The following SYNC variants were observed in gnomAD, a reference collection of about 807,000 sequenced individuals.
The protein encoded by SYNC is syncoilin, intermediate filament protein, also known as syncoilin.
A neutral mutation model predicts 49.5 loss-of-function variants in SYNC; 38 were observed. The observed-to-expected ratio is 0.77, with a 90% CI of 0.59 to 1.01. SYNC has a LOEUF of 1.01. Ranked by LOEUF, SYNC falls within the 50% of genes least tolerant of loss-of-function variation. SYNC has a pLI of 0.00. For missense variants in SYNC, 579 were observed against 580.6 expected, an observed-to-expected ratio of 1.00 and a Z score of 0.03; for synonymous variants, 201 against 230.8, an observed-to-expected ratio of 0.87 and a Z score of 1.17.
chr1:32,692,904 CT>C (rs1650232604), intron 2 of SYNC, among the ~76,000 whole-genome samples: 1 of 151,310 alleles, frequency 6.6e-6, no homozygotes, highest in Non-Finnish European at 1.5e-5. Flanking sequence ...ACTCAGGAGG[CT>C]GAAATGAGAA....
At chr1:32,696,744 A>G (rs1257851008) in intron 1 of SYNC, among the ~76,000 whole-genome samples, 1 of 149,674 alleles carries the variant, frequency 6.7e-6, no homozygotes. Context: ...CACTGCGCCC[A>G]GCCCAGTTCT....
Position 32,696,881 on chromosome 1 carries a change from G to A in SYNC, c.54-837C>T, listed in dbSNP as rs527952568. Among the ~76,000 whole-genome samples, 8 of 151,740 alleles carry A rather than the reference G, an allele frequency of 5.3e-5. 1 individual carries two copies. The highest frequency in any genetic ancestry group is 7.4e-5 in the Non-Finnish European group (5 of 67,916). On this transcript the variant is annotated intron_variant, in intron 1 of 4. Coordinates refer to ENST00000409190, the MANE Select transcript of SYNC (RefSeq NM_030786.3). ...TTCAGCCTCCACCTCCCAGGTAGGT[G>A]GGACTACAGACACGTGCCATCACAC... is the stretch of plus-strand genomic sequence containing the variant.
chr1:32,692,708 T>C lies in SYNC; in HGVS notation c.1233+2157A>G, dbSNP rs537273448. Among the ~76,000 whole-genome samples the C allele has an allele frequency of 1.1e-4, 16 of 152,030 alleles. No individual in the cohort carries two copies. The South Asian group carries it at 3.1e-3, about 30-fold the overall frequency. On this transcript the variant is annotated intron_variant, in intron 2 of 4. Transcript: ENST00000409190. ...TTGCAGTGAGCTGAGATCATGCCAC[T>C]GCACTCCACTGCACTCCAGCCTGTG... is the stretch of plus-strand genomic sequence containing the variant.
chr1:32,684,267 G>T lies in SYNC; in HGVS notation c.1349C>A (p.Ser450Tyr). 1.2e-6 allele frequency: 2 copies of T among 1,614,186 alleles called. No homozygotes were observed. Among genetic ancestry groups the T allele is most frequent in the Non-Finnish European group, 1.7e-6 (2 of 1,180,048 alleles). The part of the protein sequence containing the change: ...QLRLSLAEEL[S>Y]TYKAMLLPKS... ...AGCAGCAGAAACTGACTTATAAGTA[G>T]AGAGCTCTTCAGCAAGACTGAGCCT... The change falls in exon 3 of 5, where the codon TCT (serine) becomes TAT (tyrosine). Residue 450 changes from serine to tyrosine, a missense_variant. Coordinates refer to ENST00000409190, the MANE Select transcript of SYNC (RefSeq NM_030786.3).
At chr1:32,690,828 TGTAATCCCA>T (rs1023550084) in intron 2 of SYNC, among the ~76,000 whole-genome samples, 1 of 151,982 alleles carries the variant, frequency 6.6e-6, no homozygotes, top group Non-Finnish European at 1.5e-5. Flanking sequence ...GACTCATGCC[TGTAATCCCA>T]GCACTTTGGG....
At chr1:32,682,629 G>A (rs1456041084) in intron 4 of SYNC, 2 of 151,882 alleles carry the variant, frequency 1.3e-5, no homozygotes, top group African/African-American at 2.4e-5. Flanking sequence ...AAACTAGCTG[G>A]CCGTGGTGGC....
At chr1:32,696,857 T>A (rs1192419586) in intron 1 of SYNC, among the ~76,000 whole-genome samples, 2 of 151,074 alleles carry the variant, frequency 1.3e-5, no homozygotes, top group African/African-American at 4.9e-5. Context: ...TGGTGCCATT[T>A]CAGCCTCCAC....
chr1:32,690,904 C>T (rs143732102), intron 2 of SYNC, among the ~76,000 whole-genome samples: 2 of 151,790 alleles, frequency 1.3e-5, no homozygotes, highest in South Asian at 2.1e-4. Flanking sequence ...CTGGGCAATA[C>T]GGTGAAACCC....
In SYNC at chr1:32,684,040, G is replaced by A; in HGVS notation, c.1408C>T (p.Gln470Ter). 1.9e-6 allele frequency: 3 copies of A among 1,614,180 alleles called. No individual in the cohort carries two copies. Among genetic ancestry groups the A allele is most frequent in the Non-Finnish European group, 2.5e-6 (3 of 1,180,026 alleles). Residue 470 changes from glutamine to a stop codon, truncating the protein, a stop_gained, in exon 4 of 5, where the codon CAG becomes TAG. Coordinates refer to ENST00000409190, the MANE Select transcript of SYNC (RefSeq NM_030786.3). LOFTEE classifies it high-confidence loss of function. ...GACTGTGTCTCCATTCCACCTGCCT[G>A]AGAAGTGGGAGCATCAGCCTGTTCC... ...SLEQADAPTS[Q>*]AGGMETQSQG... is the part of the protein sequence containing the mutation.
chr1:32,683,578 G>A (rs1415175130), intron 4 of SYNC: 1 of 154,330 alleles, frequency 6.5e-6, no homozygotes, highest in Non-Finnish European at 1.4e-5. Context: ...CGTTTTGGAG[G>A]TTTGGGTTAT....
chr1:32,702,586 C>T lies in SYNC; in HGVS notation c.53+22G>A. ...CACCCCTTCCCCAGCGGGGCGGCGA[C>T]GCGGGCCCGGCACTGTCCTACCTCG... On this transcript the variant is annotated intron_variant, in intron 1 of 4. Coordinates refer to ENST00000409190, the MANE Select transcript of SYNC (RefSeq NM_030786.3). The surrounding 1 kb of genome is among the most constrained non-coding windows in gnomAD (Gnocchi z 6.2). The T allele has an allele frequency of 8.3e-7, 1 of 1,200,526 alleles. No homozygotes were observed. The highest frequency in any genetic ancestry group is 1.0e-6 in the Non-Finnish European group (1 of 968,568). The allele number at this position is 1,200,526 out of a possible 1,614,324, so 74.4% of individuals were successfully genotyped here.
In SYNC at chr1:32,684,034, C is replaced by T. The variant is rs763708856; in HGVS notation, c.1414G>A (p.Gly472Ser). 6.2e-7 allele frequency: 1 copy of T among 1,614,204 alleles called. No homozygotes were observed. The highest frequency in any genetic ancestry group is 1.1e-5 in the South Asian group (1 of 91,080). ...CCTTGAGACTGTGTCTCCATTCCAC[C>T]TGCCTGAGAAGTGGGAGCATCAGCC... Reference protein sequence around the residue: ...EQADAPTSQAGGMETQSQGAV With the variant: ...EQADAPTSQASGMETQSQGAV Residue 472 changes from glycine to serine, a missense_variant, in exon 4 of 5, where the codon GGT becomes AGT. Gly to Ser is a moderately conservative substitution (Grantham distance 56, BLOSUM62 0). Coordinates refer to ENST00000409190, the MANE Select transcript of SYNC (RefSeq NM_030786.3).
intron 4 of SYNC, chr1:32,682,073 C>G: frequency 1.8e-6 from 1 of 548,126 alleles, no homozygotes; most frequent in Non-Finnish European, 3.2e-6. Flanking sequence ...AGGTTAACTT[C>G]TTACAGGTAT....
rs1649386881 is a variant in SYNC, at chr1:32,680,843, A to G, written c.*1007T>C. 5.7e-6 allele frequency: 2 copies of G among 351,094 alleles called. No homozygotes were observed. The highest frequency in any genetic ancestry group is 1.0e-5 in the Non-Finnish European group (2 of 194,392). 21.7% of individuals were successfully genotyped at this position (351,094 alleles called of 1,614,324 possible). A position where few individuals can be genotyped will look rare whatever the true frequency, so the allele number is the denominator to read the frequency against. Reference sequence around the variant, plus strand: ...CCAGGGAAAGTGAAAGACATAAAACACTGAATCAGAGGTGGCACAGATTAG... The same window carrying G: ...CCAGGGAAAGTGAAAGACATAAAACGCTGAATCAGAGGTGGCACAGATTAG... On this transcript the variant is annotated 3_prime_UTR_variant, in exon 5 of 5. Coordinates refer to ENST00000409190, the MANE Select transcript of SYNC (RefSeq NM_030786.3).
At chr1:32,687,382 A>G (rs186727275) in intron 2 of SYNC, among the ~76,000 whole-genome samples, 284 of 150,354 alleles carry the variant, frequency 1.9e-3, no homozygotes, top group African/African-American at 6.6e-3. Context: ...AAAAACCATA[A>G]AAGTGTTTAG....
At chr1:32,690,661 AAAAGT>A (rs1203137238) in intron 2 of SYNC, among the ~76,000 whole-genome samples, 6 of 150,404 alleles carry the variant, frequency 4.0e-5, no homozygotes, top group African/African-American at 1.5e-4. Context: ...AAAAAAAAAA[AAAAGT>A]AGAGAGGCAG....
chr1:32,681,148 T>G lies in SYNC; in HGVS notation c.*702A>C, dbSNP rs1319837613. On this transcript the variant is annotated 3_prime_UTR_variant, in exon 5 of 5. Transcript: ENST00000409190. ...TCGCTTAGTTTTTTGTTGTTGTTGT[T>G]TTTTAACTGAGTAGATCATTCTGAC... 1 of 152,614 alleles carries G rather than the reference T, an allele frequency of 6.6e-6. No homozygotes were observed. The highest frequency in any genetic ancestry group is 1.5e-5 in the Non-Finnish European group (1 of 68,120). 9.5% of individuals were successfully genotyped at this position (152,614 alleles called of 1,614,324 possible). A position where few individuals can be genotyped will look rare whatever the true frequency, so the allele number is the denominator to read the frequency against.
rs778003748 is a variant in SYNC at position 32,695,991 on chromosome 1, T to C, written c.107A>G (p.Asn36Ser). Residue 36 changes from asparagine to serine, a missense_variant, in exon 2 of 5, where the codon AAT becomes AGT. Physicochemically the swap from Asn to Ser is conservative, Grantham distance 46 (BLOSUM62 1). Coordinates refer to ENST00000409190, the MANE Select transcript of SYNC (RefSeq NM_030786.3). ...SPLPKNSGSLNEAEALNPEVT... is the reference protein window; with the variant it reads ...SPLPKNSGSLSEAEALNPEVT... ...TTCTGGGTTCAAGGCTTCTGCCTCA[T>C]TTAGGGATCCAGAGTTCTTTGGAAG... 5.2e-6 allele frequency: 8 copies of C among 1,541,336 alleles called. No homozygotes were observed. The highest frequency in any genetic ancestry group is 2.4e-5 in the East Asian group (1 of 40,910).
In SYNC at chr1:32,702,518, G is replaced by A. The variant is rs1650706107; in HGVS notation, c.53+90C>T. The A allele has an allele frequency of 1.7e-6, 2 of 1,154,950 alleles. No individual in the cohort carries two copies. Among genetic ancestry groups the A allele is most frequent in the East Asian group, 3.6e-5 (1 of 27,718 alleles). 71.5% of individuals were successfully genotyped at this position (1,154,950 alleles called of 1,614,324 possible). On this transcript the variant is annotated intron_variant, in intron 1 of 4. Coordinates refer to ENST00000409190, the MANE Select transcript of SYNC (RefSeq NM_030786.3). The surrounding 1 kb of genome is among the most constrained non-coding windows in gnomAD (Gnocchi z 6.2). ...GCTGGACCACTACCCCTAGACAGGC[G>A]AAAGACGCCCGCGGTCGGGGGGAAA...
Sources: gnomAD v4.1 joint callset for allele counts (sites outside exome capture counted in the v4.1 genomes callset) on GRCh38, gnomAD v4.1.1 for gene constraint, Gnocchi (gnomAD v3.1) non-coding constraint, MANE v1.5 for transcripts, NCBI Gene and HGNC (gene_info 2026-07-23, HGNC 2026-07-21) for gene names.